MACROD2: variants seen among roughly 807,000 people sequenced by gnomAD.
MACROD2 encodes mono-ADP ribosylhydrolase 2.
In MACROD2, 36 loss-of-function variants were observed where a neutral mutation model predicts 70.4. That is an observed-to-expected ratio of 0.51 (90% CI 0.39 to 0.68). MACROD2 has a LOEUF of 0.68. Ranked by LOEUF, MACROD2 falls within the 30% of genes least tolerant of loss-of-function variation. The probability of loss-of-function intolerance (pLI) is 0.00; values close to 1 mark genes in which losing one functional copy is unlikely to be tolerated. For synonymous variants in MACROD2, 172 were observed against 178.8 expected (o/e 0.96, Z 0.30); for missense variants, 496 against 538.4 (o/e 0.92, Z 0.78).
chr20:15,554,573 T>C (rs2146594155), intron 8 of MACROD2, among the ~76,000 whole-genome samples: 1 of 151,842 alleles, frequency 6.6e-6, no homozygotes, highest in Non-Finnish European at 1.5e-5. Flanking sequence ...AAATATCAAA[T>C]TATATAATAT....
chr20:14,472,040 AG>A (rs1312195574), intron 3 of MACROD2, among the ~76,000 whole-genome samples: 1 of 152,190 alleles, frequency 6.6e-6, no homozygotes, highest in African/African-American at 2.4e-5. Context: ...TATTTCCTTA[AG>A]AACCAACTCA....
intron 15 of MACROD2, among the ~76,000 whole-genome samples, chr20:16,018,836 T>G (rs1486760296): frequency 6.6e-6 from 1 of 152,186 alleles, no homozygotes; most frequent in Non-Finnish European, 1.5e-5. Flanking sequence ...CCACCATATT[T>G]TCCTTTGTGG....
At chr20:15,906,831 T>A (rs1332959226) in intron 10 of MACROD2, among the ~76,000 whole-genome samples, 4 of 152,236 alleles carry the variant, frequency 2.6e-5, no homozygotes, top group Non-Finnish European at 5.9e-5. Flanking sequence ...AGTGATACTG[T>A]GTTCTTCTCA....
At chr20:14,696,462 T>C (rs754892348) in intron 5 of MACROD2, among the ~76,000 whole-genome samples, 3 of 152,206 alleles carry the variant, frequency 2.0e-5, no homozygotes, top group Non-Finnish European at 4.4e-5. Context: ...CATCCGCATA[T>C]GTTGTGATGC....
intron 5 of MACROD2, among the ~76,000 whole-genome samples, chr20:15,201,511 A>G (rs1188171138): frequency 3.9e-5 from 6 of 152,196 alleles, no homozygotes; most frequent in African/African-American, 1.2e-4. Context: ...GACTTAGCCA[A>G]TACGTGCAAC....
intron 5 of MACROD2, among the ~76,000 whole-genome samples, chr20:14,997,379 T>C (rs1479958434): frequency 2.6e-5 from 4 of 151,734 alleles, no homozygotes; most frequent in African/African-American, 9.7e-5. Flanking sequence ...GACCAAAGAG[T>C]CCTTGGGCCT....
At chr20:15,089,277 A>G (rs1701171658) in intron 5 of MACROD2, among the ~76,000 whole-genome samples, 2 of 152,218 alleles carry the variant, frequency 1.3e-5, no homozygotes, top group Admixed American at 1.3e-4. Flanking sequence ...AAACCTTAAC[A>G]CTAATTAAGG....
At chr20:15,208,553 CTG>C (rs1230021666) in intron 5 of MACROD2, among the ~76,000 whole-genome samples, 5 of 152,136 alleles carry the variant, frequency 3.3e-5, no homozygotes, top group African/African-American at 1.2e-4. Flanking sequence ...TTCTCTGAAA[CTG>C]TATCACACTC....
intron 15 of MACROD2, among the ~76,000 whole-genome samples, chr20:16,033,311 A>G (rs1568724245): frequency 6.6e-6 from 1 of 152,168 alleles, no homozygotes; most frequent in Non-Finnish European, 1.5e-5. Context: ...AGAAAAATAC[A>G]ATGCCGAAAA....
chr20:14,462,747 A>G (rs2084387452), intron 3 of MACROD2, among the ~76,000 whole-genome samples: 1 of 152,074 alleles, frequency 6.6e-6, no homozygotes, highest in South Asian at 2.1e-4. Flanking sequence ...TCAGCTTTCT[A>G]CATATGGCTA....
chr20:14,954,923 A>G (rs1443417421), intron 5 of MACROD2, among the ~76,000 whole-genome samples: 5 of 106,980 alleles, frequency 4.7e-5, no homozygotes, highest in African/African-American at 1.6e-4. Flanking sequence ...ATAATTAAAT[A>G]TATTATATAT....
intron 6 of MACROD2, among the ~76,000 whole-genome samples, chr20:15,405,666 G>A (rs368599414): frequency 7.9e-5 from 12 of 152,218 alleles, no homozygotes; most frequent in East Asian, 1.9e-4. Context: ...CTCCTGTCTC[G>A]TTAATTCCTC....
chr20:14,282,563 T>G (rs551285550), intron 3 of MACROD2, among the ~76,000 whole-genome samples: 3 of 152,352 alleles, frequency 2.0e-5, no homozygotes, highest in South Asian at 4.1e-4. Flanking sequence ...AAGGCTTGTA[T>G]TCGGCCATTC....
At chr20:14,463,093 G>A (rs2084392253) in intron 3 of MACROD2, among the ~76,000 whole-genome samples, 1 of 152,054 alleles carries the variant, frequency 6.6e-6, no homozygotes, top group Non-Finnish European at 1.5e-5. Flanking sequence ...TAGCTTGATG[G>A]GGATGGCATT....
intron 6 of MACROD2, among the ~76,000 whole-genome samples, chr20:15,232,721 A>G (rs568796658): frequency 6.8e-4 from 104 of 152,170 alleles, no homozygotes; most frequent in African/African-American, 2.3e-3. Context: ...CTAGACATTT[A>G]CCATGTAATT....
intron 8 of MACROD2, among the ~76,000 whole-genome samples, chr20:15,829,542 G>A (rs184901524): frequency 6.6e-6 from 1 of 152,264 alleles, no homozygotes; most frequent in Admixed American, 6.5e-5. Flanking sequence ...TGAAGATGCT[G>A]TTTGAAGATT....
At chr20:14,792,228 C>T (rs1439661360) in intron 5 of MACROD2, among the ~76,000 whole-genome samples, 1 of 152,028 alleles carries the variant, frequency 6.6e-6, no homozygotes, top group East Asian at 1.9e-4. Context: ...CTAAATTATT[C>T]TGTATTAATT....
At chr20:14,230,654 T>TATATATATATATATATATATATATATATA in intron 3 of MACROD2, among the ~76,000 whole-genome samples, 2 of 74,238 alleles carry the variant, frequency 2.7e-5, no homozygotes, top group African/African-American at 1.4e-4. Context: ...TATATATATA[T>TATATATATATATATATATATATATATATA]AACACAGGCT....
At position 14,175,318 on chromosome 20, in the gene MACROD2, T is replaced by G. The variant is rs575195447; in HGVS notation, c.271+89590T>G. ...CTCCTTCTTAAATAGGACCTATGACTTGCAGTTCTTTCAGCTGTAATCCAC... is the reference window on the plus strand; with the variant it reads ...CTCCTTCTTAAATAGGACCTATGACGTGCAGTTCTTTCAGCTGTAATCCAC... On this transcript the variant is annotated intron_variant, in intron 3 of 17. Coordinates refer to ENST00000684519, the MANE Select transcript of MACROD2 (RefSeq NM_001351661.2). Among the ~76,000 whole-genome samples, 4 of 152,320 alleles carry G rather than the reference T, an allele frequency of 2.6e-5. No homozygotes were observed. In the East Asian group the frequency reaches 7.7e-4, roughly 29 times the overall value.
Sources: gnomAD v4.1 joint callset for allele counts (sites outside exome capture counted in the v4.1 genomes callset) on GRCh38, gnomAD v4.1.1 for gene constraint, MANE v1.5 for transcripts, NCBI Gene and HGNC (gene_info 2026-07-23, HGNC 2026-07-21) for gene names.